Variants in PPP2R5E observed in about 807,000 individuals in gnomAD.
The protein encoded by PPP2R5E is protein phosphatase 2 regulatory subunit B'epsilon, also known as serine/threonine-protein phosphatase 2A 56 kDa regulatory subunit epsilon isoform.
A neutral mutation model predicts 65.3 loss-of-function variants in PPP2R5E; 4 were observed. The observed-to-expected ratio is 0.06, with a 90% CI of 0.03 to 0.14. PPP2R5E has a LOEUF of 0.14. PPP2R5E is among the 10% of genes least tolerant of loss of function. PPP2R5E has a pLI of 1.00. For synonymous variants in PPP2R5E, 183 were observed against 187.4 expected (o/e 0.98, Z 0.19); for missense variants, 274 against 556.1 (o/e 0.49, Z 5.10).
intron 3 of PPP2R5E, among the ~76,000 whole-genome samples, chr14:63,433,035 T>TTGTTTTGTTTG (rs1555359928): frequency 5.9e-5 from 7 of 119,266 alleles, no homozygotes; most frequent in African/African-American, 2.5e-4. Flanking sequence ...TTGTTTTGTT[T>TTGTTTTGTTTG]TTTTTTTTTT....
intron 3 of PPP2R5E, among the ~76,000 whole-genome samples, chr14:63,439,361 T>G (rs117572943): frequency 0.028 from 4,236 of 151,996 alleles, 94 homozygotes; most frequent in Non-Finnish European, 0.031. Flanking sequence ...TCTGTTTTTT[T>G]TTTTTGTTTT....
At chr14:63,442,668 T>C (rs1443062850) in intron 3 of PPP2R5E, among the ~76,000 whole-genome samples, 1 of 152,346 alleles carries the variant, frequency 6.6e-6, no homozygotes, top group African/African-American at 2.4e-5. Context: ...TTTACTGTTA[T>C]TGTTAATCTC....
chr14:63,393,391 A>G (rs943098756), intron 8 of PPP2R5E, among the ~76,000 whole-genome samples: 1 of 152,136 alleles, frequency 6.6e-6, no homozygotes, highest in Non-Finnish European at 1.5e-5. Flanking sequence ...AGTATTTTAA[A>G]CTTAAGTAAG....
At chr14:63,500,960 G>A (rs545404811) in intron 2 of PPP2R5E, among the ~76,000 whole-genome samples, 97 of 152,212 alleles carry the variant, frequency 6.4e-4, no homozygotes, top group African/African-American at 1.7e-3. Context: ...CTTTCCACAT[G>A]TTAACTCATT....
At chr14:63,448,334 A>G (rs375517582) in intron 3 of PPP2R5E, among the ~76,000 whole-genome samples, 2 of 152,114 alleles carry the variant, frequency 1.3e-5, no homozygotes, top group African/African-American at 4.8e-5. Context: ...TTAAAAAGTA[A>G]CTTCAAAGAT....
intron 2 of PPP2R5E, among the ~76,000 whole-genome samples, chr14:63,498,994 A>G (rs1891719148): frequency 6.6e-6 from 1 of 152,184 alleles, no homozygotes; most frequent in South Asian, 2.1e-4. Flanking sequence ...TTCCCACTAT[A>G]AAACTGTATT....
Position 63,539,569 on chromosome 14 carries a change from T to C in PPP2R5E, c.117A>G (p.Gln39=), listed in dbSNP as rs1199676616. 6.2e-7 allele frequency: 1 copy of C among 1,614,108 alleles called. No homozygotes were observed. Among genetic ancestry groups the C allele is most frequent in the Non-Finnish European group, 8.5e-7 (1 of 1,179,960 alleles). The stretch of plus-strand genomic sequence containing the variant: ...GAGGTGTTAACTCAATAGGCTTGCC[T>C]TGAGACCTAAACTGTGAGGAACTTT... The part of the protein sequence containing the change: ...RSQSSSQFRS[Q]GKPIELTPLP... The change falls in exon 2 of 14, where the codon CAA becomes CAG. Residue 39 remains glutamine (Q), a synonymous_variant. Coordinates refer to ENST00000337537, the MANE Select transcript of PPP2R5E (RefSeq NM_006246.5).
At chr14:63,390,692 C>A (rs1449914384) in intron 10 of PPP2R5E, among the ~76,000 whole-genome samples, 1 of 152,122 alleles carries the variant, frequency 6.6e-6, no homozygotes, top group Non-Finnish European at 1.5e-5. Context: ...AGAAGGAAGG[C>A]GTTTCTGCTA....
intron 5 of PPP2R5E, among the ~76,000 whole-genome samples, chr14:63,403,745 C>A (rs1315631778): frequency 6.7e-6 from 1 of 149,352 alleles, no homozygotes. Flanking sequence ...GATGAATACA[C>A]AGGAAAGCAA....
chr14:63,394,105 GT>G (rs1303734898), intron 7 of PPP2R5E, among the ~76,000 whole-genome samples, 177 bp from the exon 8 acceptor site: 2 of 121,056 alleles, frequency 1.7e-5, no homozygotes, highest in Admixed American at 9.8e-5. Flanking sequence ...TTGAGACAGA[GT>G]CATCTTGCTC....
intron 2 of PPP2R5E, among the ~76,000 whole-genome samples, chr14:63,461,703 C>T (rs944708069): frequency 1.3e-5 from 2 of 151,186 alleles, no homozygotes; most frequent in African/African-American, 4.9e-5. Context: ...ACTTGGGAGG[C>T]TGAGGTGGGA....
In PPP2R5E at chr14:63,427,195, T is replaced by A. The variant is rs139021617; in HGVS notation, c.355-5101A>T. On this transcript the variant is annotated intron_variant, in intron 3 of 13. Transcript: ENST00000337537. The stretch of plus-strand genomic sequence containing the variant: ...ATGCAACAGTTTTGTGAAGAGCCTA[T>A]GCGGCTAGATTAAAATGCATTCAGG... Among the ~76,000 whole-genome samples the A allele has an allele frequency of 3.2e-3, 486 of 152,336 alleles. 2 individuals are homozygous for A. Among genetic ancestry groups the A allele is most frequent in the African/African-American group, 0.011 (457 of 41,564 alleles).
chr14:63,422,608 C>A (rs1437646125), intron 3 of PPP2R5E, among the ~76,000 whole-genome samples: 1 of 151,986 alleles, frequency 6.6e-6, no homozygotes, highest in Non-Finnish European at 1.5e-5. Flanking sequence ...CACCTGTAGT[C>A]CCAGCTATGC....
intron 8 of PPP2R5E, among the ~76,000 whole-genome samples, chr14:63,392,936 AGT>A (rs1197217922): frequency 4.6e-5 from 7 of 152,220 alleles, no homozygotes; most frequent in Non-Finnish European, 7.3e-5. Context: ...CATGCAAGGC[AGT>A]GTTAGCACAA....
At chr14:63,386,207 A>G (rs1015032097) in intron 11 of PPP2R5E, among the ~76,000 whole-genome samples, 2 of 152,232 alleles carry the variant, frequency 1.3e-5, no homozygotes, top group Non-Finnish European at 1.5e-5. Context: ...CAAAACCCTG[A>G]GACTCATTAG....
intron 3 of PPP2R5E, among the ~76,000 whole-genome samples, chr14:63,434,675 G>T (rs868481420): frequency 2.6e-5 from 4 of 152,090 alleles, no homozygotes; most frequent in Non-Finnish European, 4.4e-5. Flanking sequence ...AATTCAGGCT[G>T]GTCAAAACCA....
chr14:63,409,332 G>A (rs928260621), intron 5 of PPP2R5E, among the ~76,000 whole-genome samples: 20 of 151,080 alleles, frequency 1.3e-4, no homozygotes, highest in Non-Finnish European at 1.6e-4. Context: ...ACTTGAACCC[G>A]GGAGGTGGAG....
intron 2 of PPP2R5E, among the ~76,000 whole-genome samples, chr14:63,501,246 CA>C (rs1005236803): frequency 1.4e-4 from 21 of 150,392 alleles, no homozygotes; most frequent in Non-Finnish European, 2.2e-4. Flanking sequence ...AAAAGAAATA[CA>C]AAAAAAAATT....
At chr14:63,528,349 GATCTGA>G (rs1398473014) in intron 2 of PPP2R5E, among the ~76,000 whole-genome samples, 19 of 152,264 alleles carry the variant, frequency 1.2e-4, no homozygotes, top group Admixed American at 1.2e-3. Context: ...AAAGTCTGGT[GATCTGA>G]TTAGGCTATA....
Sources: gnomAD v4.1 joint callset for allele counts (sites outside exome capture counted in the v4.1 genomes callset) on GRCh38, gnomAD v4.1.1 for gene constraint, MANE v1.5 for transcripts, NCBI Gene and HGNC (gene_info 2026-07-23, HGNC 2026-07-21) for gene names.